Variants in XDH observed in about 807,000 individuals in gnomAD.
XDH encodes xanthine dehydrogenase/oxidase.
Under a neutral mutation model 156.1 loss-of-function variants are expected in XDH, and 138 were observed. That is an observed-to-expected ratio of 0.88 (90% confidence interval 0.77 to 1.02). XDH has a LOEUF of 1.02. XDH is among the 50% of genes least tolerant of loss of function. The pLI is 0.00. For synonymous variants in XDH, 669 were observed against 625.7 expected (o/e 1.07, Z -1.03); for missense variants, 1,849 against 1,684.9 (o/e 1.10, Z -1.71).
intron 8 of XDH, among the ~76,000 whole-genome samples, 164 bp from the exon 9 acceptor site, chr2:31,386,719 T>C (rs745762633): frequency 2.0e-5 from 3 of 152,094 alleles, no homozygotes; most frequent in South Asian, 2.1e-4. Flanking sequence ...AGGAACTCCA[T>C]TGGGACTAGT....
intron 11 of XDH, among the ~76,000 whole-genome samples, chr2:31,382,195 C>A (rs553272295): frequency 5.7e-4 from 87 of 152,270 alleles, no homozygotes; most frequent in African/African-American, 2.0e-3. Flanking sequence ...TATTAGAAAA[C>A]AGGAAGAAAA....
intron 15 of XDH, 22 bp from the exon 16 acceptor site, chr2:31,373,978 G>C: frequency 1.2e-6 from 2 of 1,607,626 alleles, no homozygotes; most frequent in Non-Finnish European, 1.7e-6. Flanking sequence ...AGAAAACAGA[G>C]GTGACCAGGA....
Position 31,346,768 on chromosome 2 carries a change from C to A in XDH, c.3351+1G>T. 6.2e-7 allele frequency: 1 copy of A among 1,614,170 alleles called. No individual in the cohort carries two copies. The highest frequency in any genetic ancestry group is 8.5e-7 in the Non-Finnish European group (1 of 1,180,030). On this transcript the variant is annotated splice_donor_variant, in intron 30 of 35. Coordinates refer to ENST00000379416, the MANE Select transcript of XDH (RefSeq NM_000379.4). LOFTEE classifies it high-confidence loss of function. ...CGTGACTTGGATCAGCTCAGACTTA[C>A]CCAGTCTTCCCAGGAGCCACTGGGA...
Position 31,346,813 on chromosome 2 carries a change from C to T in XDH, c.3307G>A (p.Glu1103Lys). The T allele has an allele frequency of 6.2e-7, 1 of 1,614,110 alleles. No individual in the cohort carries two copies. The highest frequency in any genetic ancestry group is 8.5e-7 in the Non-Finnish European group (1 of 1,180,030). The change falls in exon 30 of 36, where the codon GAA becomes AAA. Residue 1103 changes from glutamate to lysine, a missense_variant. Glu to Lys is a moderately conservative substitution (Grantham distance 56). Coordinates refer to ENST00000379416, the MANE Select transcript of XDH (RefSeq NM_000379.4). ...AACQTILKRL[E>K]PYKKKNPSGS... ...CTGGGATTCTTCTTCTTGTAGGGTT[C>T]CAGCCTTTTCAAGATGGTCTGACAA...
chr2:31,355,121 A>C (rs1031706903), intron 24 of XDH, among the ~76,000 whole-genome samples: 1 of 152,188 alleles, frequency 6.6e-6, no homozygotes, highest in Non-Finnish European at 1.5e-5. Flanking sequence ...ACCAGAACGA[A>C]GTGGCAGTTT....
At chr2:31,348,245 C>T (rs1685355443) in intron 28 of XDH, 23 bp downstream of exon 28, 1 of 1,611,592 alleles carries the variant, frequency 6.2e-7, no homozygotes, top group South Asian at 1.1e-5. Context: ...ACGGACACAA[C>T]ACTGCCAGAG....
chr2:31,370,527 G>A, intron 17 of XDH, 49 bp from the exon 18 acceptor site: 1 of 1,611,156 alleles, frequency 6.2e-7, no homozygotes, highest in Non-Finnish European at 8.5e-7. Flanking sequence ...CTGGAGCAGG[G>A]GACCCATCAC....
At chr2:31,358,566 C>G (rs1685685874) in intron 24 of XDH, among the ~76,000 whole-genome samples, 1 of 152,034 alleles carries the variant, frequency 6.6e-6, no homozygotes, top group African/African-American at 2.4e-5. Context: ...CATGACCAAG[C>G]TGGATTCATT....
At chr2:31,349,240 C>A (rs1459600342) in intron 26 of XDH, among the ~76,000 whole-genome samples, 1 of 152,128 alleles carries the variant, frequency 6.6e-6, no homozygotes, top group East Asian at 1.9e-4. Context: ...AATAATAAAG[C>A]CTTCTCTGTG....
At chr2:31,349,932 C>T (rs966886757) in intron 25 of XDH, 100 bp downstream of exon 25, 6 of 1,611,364 alleles carry the variant, frequency 3.7e-6, no homozygotes, top group Admixed American at 3.3e-5. Context: ...GCAGCCCCTG[C>T]CTGTCATCTG....
At chr2:31,384,073 C>A in intron 9 of XDH, 1 of 535,948 alleles carries the variant, frequency 1.9e-6, no homozygotes, top group Non-Finnish European at 3.4e-6. Flanking sequence ...CTTTCCCTCT[C>A]AAAAAACCTA....
At chr2:31,394,430 G>A (rs1686849758) in intron 6 of XDH, among the ~76,000 whole-genome samples, 1 of 151,924 alleles carries the variant, frequency 6.6e-6, no homozygotes, top group Non-Finnish European at 1.5e-5. Flanking sequence ...TTTTCCTTTG[G>A]CTTCTTTCAA....
At chr2:31,396,586 CATTTT>C (rs1209318071) in intron 6 of XDH, among the ~76,000 whole-genome samples, 26 of 152,164 alleles carry the variant, frequency 1.7e-4, no homozygotes, top group African/African-American at 5.5e-4. Flanking sequence ...ATAAAATCAC[CATTTT>C]ATTAGGTTGG....
intron 1 of XDH, among the ~76,000 whole-genome samples, chr2:31,410,890 G>A (rs1252991197): frequency 6.6e-6 from 1 of 152,200 alleles, no homozygotes; most frequent in African/African-American, 2.4e-5. Flanking sequence ...AGTTATAAAT[G>A]CCAGTATTGG....
chr2:31,364,093 T>C (rs1685845453), intron 24 of XDH, 65 bp downstream of exon 24: 1 of 1,525,476 alleles, frequency 6.6e-7, no homozygotes, highest in Non-Finnish European at 9.1e-7. Flanking sequence ...GGCCTGTGCC[T>C]GCGTGGGAAC....
intron 6 of XDH, among the ~76,000 whole-genome samples, chr2:31,391,654 T>C (rs1686766743): frequency 6.6e-6 from 1 of 152,238 alleles, no homozygotes; most frequent in South Asian, 2.1e-4. Context: ...ATTTGTTTAG[T>C]TCTTTGATTT....
At chr2:31,407,967 C>T (rs1687236597) in intron 1 of XDH, among the ~76,000 whole-genome samples, 1 of 152,074 alleles carries the variant, frequency 6.6e-6, no homozygotes, top group Non-Finnish European at 1.5e-5. Context: ...ACATTAAGAG[C>T]CTCTTAGCTT....
In XDH at chr2:31,367,957, C is replaced by G. The variant is rs749544310; in HGVS notation, c.2197+4G>C. 1.2e-6 allele frequency: 2 copies of G among 1,613,980 alleles called. No individual in the cohort carries two copies. The highest frequency in any genetic ancestry group is 1.7e-6 in the Non-Finnish European group (2 of 1,179,952). On this transcript the variant is annotated splice_donor_region_variant and intron_variant, in intron 20 of 35. Transcript: ENST00000379416. ...ATTCCCACTGCGGCATGGAACAGCTCTACCTGACACAACATTATCTGCTTC... is the reference window on the plus strand; with the variant it reads ...ATTCCCACTGCGGCATGGAACAGCTGTACCTGACACAACATTATCTGCTTC...
At chr2:31,413,590 T>A (rs1475399922) in intron 1 of XDH, among the ~76,000 whole-genome samples, 1 of 152,172 alleles carries the variant, frequency 6.6e-6, no homozygotes. Context: ...TGAAGCACAT[T>A]ATTGTTCTTG....
Sources: gnomAD v4.1 joint callset for allele counts (sites outside exome capture counted in the v4.1 genomes callset) on GRCh38, gnomAD v4.1.1 for gene constraint, MANE v1.5 for transcripts, NCBI Gene and HGNC (gene_info 2026-07-23, HGNC 2026-07-21) for gene names.